The following WDR64 variants were observed in gnomAD, a reference collection of about 807,000 sequenced individuals.
WDR64 encodes the protein WD repeat domain 64, also known as WD repeat-containing protein 64.
In WDR64, 112 loss-of-function variants were observed where a neutral mutation model predicts 139.3. The observed-to-expected ratio is 0.80, with a 90% confidence interval of 0.69 to 0.94. The LOEUF is 0.94. WDR64 is among the 40% of genes least tolerant of loss of function. The pLI is 0.00. For missense variants in WDR64, 1,206 were observed against 1,293.1 expected, an observed-to-expected ratio of 0.93 and a Z score of 1.03; for synonymous variants, 444 against 437.7, an observed-to-expected ratio of 1.01 and a Z score of -0.18.
intron 21 of WDR64, among the ~76,000 whole-genome samples, chr1:241,777,265 T>C (rs1658687136): frequency 6.6e-6 from 1 of 151,742 alleles, no homozygotes; most frequent in Non-Finnish European, 1.5e-5. Context: ...TAGAGACAGG[T>C]CTTACTTCTT....
Position 241,795,215 on chromosome 1 carries a change from A to C in WDR64, c.3006A>C (p.Arg1002Ser). Residue 1002 changes from arginine (R) to serine (S), a missense_variant, in exon 26 of 28, where the codon AGA becomes AGC. Arg to Ser is a moderately radical substitution (Grantham distance 110). Coordinates refer to ENST00000437684, the MANE Select transcript of WDR64 (RefSeq NM_001367482.1). The part of the protein sequence containing the change: ...FKSLSSPKIR[R>S]YPLEGFVTEN... Reference sequence around the variant, plus strand: ...ATCCCTTTGTTTTGCAGATTCGAAGATATCCCTTGGAAGGTTTCGTGACTG... The same window carrying C: ...ATCCCTTTGTTTTGCAGATTCGAAGCTATCCCTTGGAAGGTTTCGTGACTG... 6.2e-7 allele frequency: 1 copy of C among 1,613,888 alleles called. No homozygotes were observed.
rs112538613 is a variant in WDR64 at position 241,669,860 on chromosome 1, T to G, written c.277-1214T>G. On this transcript the variant is annotated intron_variant, in intron 2 of 27. Transcript: ENST00000437684. ...GTCACTAGTTCCTTTAAACTCAAAG[T>G]AGTCTCTCATGAAAAGCTTGTTAGA... Among the ~76,000 whole-genome samples, 624 of 152,300 alleles carry G rather than the reference T, an allele frequency of 4.1e-3. 5 individuals carry two copies. The highest frequency in any genetic ancestry group is 0.014 in the African/African-American group (597 of 41,554).
At chr1:241,707,228 C>T (rs1437057808) in intron 8 of WDR64, among the ~76,000 whole-genome samples, 1 of 152,190 alleles carries the variant, frequency 6.6e-6, no homozygotes, top group Non-Finnish European at 1.5e-5. Context: ...GGGCGTACAG[C>T]TGGCACTCAT....
intron 11 of WDR64, among the ~76,000 whole-genome samples, chr1:241,740,580 C>T (rs529918974): frequency 6.6e-6 from 1 of 152,036 alleles, no homozygotes; most frequent in Admixed American, 6.5e-5. Context: ...GCCTTATTAA[C>T]TTAATCTTTA....
intron 8 of WDR64, among the ~76,000 whole-genome samples, chr1:241,705,458 C>T (rs1196367835): frequency 1.3e-5 from 2 of 151,400 alleles, no homozygotes; most frequent in Non-Finnish European, 1.5e-5. Context: ...AGGAGAATGG[C>T]GTGAACCCGG....
chr1:241,784,214 T>C (rs1174224288), intron 23 of WDR64, among the ~76,000 whole-genome samples: 7 of 152,118 alleles, frequency 4.6e-5, no homozygotes, highest in Non-Finnish European at 1.0e-4. Flanking sequence ...CTGAAAGAAA[T>C]AGCCACTGCA....
Position 241,683,347 on chromosome 1 carries a change from T to A in WDR64, c.625-140T>A, listed in dbSNP as rs549774613. 53 of 781,686 alleles carry A rather than the reference T, an allele frequency of 6.8e-5. No homozygotes were observed. In the East Asian group the frequency reaches 1.4e-3, roughly 20 times the overall value. The allele number at this position is 781,686 out of a possible 1,614,324, so 48.4% of individuals were successfully genotyped here. ...TGTAACTTTTATTTGGTTAACTGGT[T>A]TTTTTCTCAAATTATCTTATAAGAT... is the stretch of plus-strand genomic sequence containing the variant. On this transcript the variant is annotated intron_variant, in intron 6 of 27. Coordinates refer to ENST00000437684, the MANE Select transcript of WDR64 (RefSeq NM_001367482.1).
At chr1:241,705,563 AATAAT>A (rs1342744983) in intron 8 of WDR64, among the ~76,000 whole-genome samples, 1,173 of 63,204 alleles carry the variant, frequency 0.019, 22 homozygotes, top group African/African-American at 0.054. Flanking sequence ...ATAAATAAAT[AATAAT>A]AATAATAATA....
At chr1:241,759,292 G>A (rs1250593500) in intron 15 of WDR64, among the ~76,000 whole-genome samples, 1 of 152,050 alleles carries the variant, frequency 6.6e-6, no homozygotes, top group Non-Finnish European at 1.5e-5. Flanking sequence ...CTTTAAAATT[G>A]CTTAAAATAA....
Position 241,683,562 on chromosome 1 carries a change from T to C in WDR64, c.700T>C (p.Cys234Arg), listed in dbSNP as rs1299617783. 3 of 1,551,650 alleles carry C rather than the reference T, an allele frequency of 1.9e-6. No homozygotes were observed. The highest frequency in any genetic ancestry group is 1.7e-6 in the Non-Finnish European group (2 of 1,147,002). ...TGTGGTGCCTTTGCCTGACCATCTC[T>C]GCCGAGATGACATCCTCTTGGGGGA... is the stretch of plus-strand genomic sequence containing the variant. ...VCVVPLPDHLCRDDILLGDDG... is the reference protein window; with the variant it reads ...VCVVPLPDHLRRDDILLGDDG... The change falls in exon 7 of 28, where the codon TGC becomes CGC. Residue 234 changes from cysteine (C) to arginine (R), a missense_variant. By Grantham distance (180) the Cys-to-Arg change is radical. Coordinates refer to ENST00000437684, the MANE Select transcript of WDR64 (RefSeq NM_001367482.1).
chr1:241,691,181 A>G (rs1383953758), intron 8 of WDR64, among the ~76,000 whole-genome samples: 1 of 152,222 alleles, frequency 6.6e-6, no homozygotes, highest in Non-Finnish European at 1.5e-5. Flanking sequence ...AAGAAAATAG[A>G]GAAAATGAAA....
At chr1:241,680,505 TTC>T (rs779207871) in intron 6 of WDR64, among the ~76,000 whole-genome samples, 5 of 152,190 alleles carry the variant, frequency 3.3e-5, no homozygotes, top group Admixed American at 6.5e-5. Context: ...CCTCATGCTG[TTC>T]TGTTTTCACT....
intron 10 of WDR64, among the ~76,000 whole-genome samples, chr1:241,729,236 G>A (rs947517412): frequency 2.6e-5 from 4 of 152,090 alleles, no homozygotes; most frequent in African/African-American, 9.7e-5. Context: ...CAGAGTCATG[G>A]CCTTAGTTCA....
At chr1:241,740,758 G>A (rs1035762867) in intron 11 of WDR64, among the ~76,000 whole-genome samples, 3 of 151,564 alleles carry the variant, frequency 2.0e-5, no homozygotes, top group African/African-American at 7.3e-5. Flanking sequence ...ACCTCCCTCC[G>A]GGGTTCAAGT....
intron 11 of WDR64, among the ~76,000 whole-genome samples, chr1:241,741,211 G>T (rs1669526840): frequency 6.6e-6 from 1 of 152,180 alleles, no homozygotes; most frequent in Admixed American, 6.5e-5. Context: ...GAGAGAAGTG[G>T]ACTATGAAAT....
chr1:241,730,969 T>C (rs1289595700), intron 10 of WDR64, among the ~76,000 whole-genome samples: 6 of 152,146 alleles, frequency 3.9e-5, no homozygotes, highest in Non-Finnish European at 7.4e-5. Context: ...GCAAGGTTGA[T>C]CTGGTATATC....
intron 13 of WDR64, among the ~76,000 whole-genome samples, chr1:241,747,693 G>T (rs1222415417): frequency 6.6e-6 from 1 of 151,850 alleles, no homozygotes; most frequent in African/African-American, 2.4e-5. Flanking sequence ...AAAGCAAGCT[G>T]ATCTATGAAA....
At chr1:241,773,708 C>T (rs184809460) in intron 20 of WDR64, among the ~76,000 whole-genome samples, 142 of 152,220 alleles carry the variant, frequency 9.3e-4, no homozygotes, top group African/African-American at 3.3e-3. Flanking sequence ...CCTCGTGATC[C>T]GCCAGCCTCG....
At position 241,744,458 on chromosome 1, in the gene WDR64, A is replaced by C; in HGVS notation, c.1536A>C (p.Glu512Asp). Residue 512 changes from glutamate (E) to aspartate (D), a missense_variant, in exon 13 of 28, where the codon GAA becomes GAC. Transcript: ENST00000437684. ...QILEPHGFNTEVTSAAVDESG... is the reference protein window; with the variant it reads ...QILEPHGFNTDVTSAAVDESG... ...TAGAACCTCATGGTTTCAATACTGAAGTGACTTCTGCAGCTGTCGATGAAA... is the reference window on the plus strand; with the variant it reads ...TAGAACCTCATGGTTTCAATACTGACGTGACTTCTGCAGCTGTCGATGAAA... 1 of 1,614,180 alleles carries C rather than the reference A, an allele frequency of 6.2e-7. No homozygotes were observed. The highest frequency in any genetic ancestry group is 8.5e-7 in the Non-Finnish European group (1 of 1,180,022).
Sources: allele counts gnomAD v4.1 joint callset (sites outside exome capture counted in the v4.1 genomes callset), GRCh38; gene constraint gnomAD v4.1.1; transcripts MANE v1.5; gene names NCBI Gene and HGNC (gene_info 2026-07-23, HGNC 2026-07-21).